The following KIF6 variants were observed in gnomAD, a reference collection of about 807,000 sequenced individuals.
KIF6 encodes the protein kinesin family member 6.
KIF6 carries 106 observed loss-of-function variants against 112.7 expected under a neutral mutation model. The ratio of observed to expected loss-of-function variants is 0.94; its 90% CI spans 0.80 to 1.11. KIF6 has a LOEUF of 1.11. Ranked by LOEUF, KIF6 falls within the 50% of genes least tolerant of loss-of-function variation. The probability of loss-of-function intolerance (pLI) is 0.00; values close to 1 mark genes in which losing one functional copy is unlikely to be tolerated. For synonymous variants in KIF6, 339 were observed against 339.9 expected (o/e 1.00, Z 0.03); for missense variants, 929 against 964.0 (o/e 0.96, Z 0.48).
Position 39,596,095 on chromosome 6 carries a change from C to T in KIF6, c.805G>A (p.Glu269Lys). 1 of 1,614,012 alleles carries T rather than the reference C, an allele frequency of 6.2e-7. No homozygotes were observed. ...AGTGACAAGTTGATATACTTGGCCT[C>T]TGTTAGAAGATGGCCCCCTACTCCA... ...KTGVGGHLLT[E>K]AKYINLSLHY... Residue 269 changes from glutamate to lysine, a missense_variant, in exon 7 of 23, where the codon GAG (glutamate) becomes AAG (lysine). Glu to Lys is a moderately conservative substitution (Grantham distance 56, BLOSUM62 1). Around this residue, in one of 2 missense-constraint regions of KIF6, gnomAD observed 688 missense variants for 662.7 expected, o/e 1.04. Transcript: ENST00000287152.
At position 39,586,332 on chromosome 6, in the gene KIF6, T is replaced by C. The variant is rs921125807; in HGVS notation, c.919A>G (p.Arg307Gly). 2.5e-6 allele frequency: 4 copies of C among 1,613,896 alleles called. No homozygotes were observed. The highest frequency in any genetic ancestry group is 2.5e-6 in the Non-Finnish European group (3 of 1,179,866). The change falls in exon 8 of 23, where the codon AGA becomes GGA. Residue 307 changes from arginine to glycine, a missense_variant. By Grantham distance (125) the Arg-to-Gly change is moderately radical (BLOSUM62 -2). Transcript: ENST00000287152. ...ATGCAGTTCCCTCCCAAACTGTCTC[T>C]TAGGACACTGGTCATCATGGAGTTT... ...YRNSMMTSVL[R>G]DSLGGNCMTT...
chr6:39,668,526 T>C (rs759728335), intron 3 of KIF6, among the ~76,000 whole-genome samples: 1 of 152,150 alleles, frequency 6.6e-6, no homozygotes, highest in African/African-American at 2.4e-5. Flanking sequence ...CACCTCAGAA[T>C]CTCCAGTATA....
chr6:39,365,738 C>A (rs568290940), intron 16 of KIF6, among the ~76,000 whole-genome samples: 13 of 152,336 alleles, frequency 8.5e-5, no homozygotes, highest in African/African-American at 3.1e-4. Context: ...CCCAAGGACA[C>A]CCCCAAGAAA....
intron 14 of KIF6, among the ~76,000 whole-genome samples, chr6:39,423,304 A>G (rs1310913116): frequency 6.6e-6 from 1 of 151,990 alleles, no homozygotes; most frequent in Non-Finnish European, 1.5e-5. Context: ...GTACTTGCAG[A>G]CCCTGGGGAA....
chr6:39,618,985 CCT>C (rs1160522535), intron 5 of KIF6, among the ~76,000 whole-genome samples: 1 of 152,080 alleles, frequency 6.6e-6, no homozygotes, highest in East Asian at 1.9e-4. Context: ...TCAAAATAAA[CCT>C]CTTTTTATTT....
chr6:39,460,037 T>G (rs368069652), intron 13 of KIF6, among the ~76,000 whole-genome samples: 11 of 145,930 alleles, frequency 7.5e-5, no homozygotes, highest in East Asian at 4.2e-4. Context: ...TATACCCAAA[T>G]GACTATAAAT....
chr6:39,621,714 G>A (rs912501022), intron 5 of KIF6, among the ~76,000 whole-genome samples: 1 of 152,168 alleles, frequency 6.6e-6, no homozygotes, highest in African/African-American at 2.4e-5. Flanking sequence ...GCAGTAAAAT[G>A]CTTTCCAAAA....
At chr6:39,708,089 C>T (rs1789319126) in intron 3 of KIF6, among the ~76,000 whole-genome samples, 1 of 152,122 alleles carries the variant, frequency 6.6e-6, no homozygotes, top group Non-Finnish European at 1.5e-5. Flanking sequence ...GTTGGATTAG[C>T]AGAACTGGGT....
rs148576491 is a variant in KIF6 at position 39,399,415 on chromosome 6, G to A, written c.1811-13743C>T. 2.2e-3 allele frequency among the ~76,000 whole-genome samples: 337 copies of A among 152,222 alleles called. 3 individuals carry two copies. Among genetic ancestry groups the A allele is most frequent in the African/African-American group, 7.9e-3 (327 of 41,546 alleles). On this transcript the variant is annotated intron_variant, in intron 15 of 22. Transcript: ENST00000287152. ...ACTTTTGTACTGAGTGAGCTGAGCCGGGTCCTGCGACTAAAGAACCGCCTG... is the reference window on the plus strand; with the variant it reads ...ACTTTTGTACTGAGTGAGCTGAGCCAGGTCCTGCGACTAAAGAACCGCCTG...
chr6:39,553,861 T>C (rs1779533425), intron 10 of KIF6: 1 of 152,900 alleles, frequency 6.5e-6, no homozygotes, highest in Non-Finnish European at 1.5e-5. Flanking sequence ...GGACCTTAAG[T>C]GGGATACGAG....
At chr6:39,598,797 G>C (rs1782428372) in intron 6 of KIF6, among the ~76,000 whole-genome samples, 1 of 151,990 alleles carries the variant, frequency 6.6e-6, no homozygotes. Context: ...AAAGCAACTT[G>C]GGATAGATTG....
chr6:39,545,795 C>T (rs942328783), intron 10 of KIF6, 107 bp from the exon 11 acceptor site: 1 of 654,990 alleles, frequency 1.5e-6, no homozygotes, highest in East Asian at 2.7e-5. Context: ...TTGTTCCCAC[C>T]TCTTTACAGA....
At chr6:39,689,233 G>A (rs1201719487) in intron 3 of KIF6, among the ~76,000 whole-genome samples, 12 of 152,142 alleles carry the variant, frequency 7.9e-5, no homozygotes, top group Admixed American at 2.0e-4. Context: ...AGCTGGGTGC[G>A]GTGACTCATG....
intron 13 of KIF6, among the ~76,000 whole-genome samples, chr6:39,435,913 C>T (rs1020679638): frequency 2.0e-5 from 3 of 152,054 alleles, no homozygotes; most frequent in Admixed American, 6.6e-5. Context: ...GGTAGATTTA[C>T]GTTTAGTTCT....
At position 39,343,259 on chromosome 6, in the gene KIF6, T is replaced by C; in HGVS notation, c.2428+450A>G. On this transcript the variant is annotated intron_variant, in intron 22 of 22. Coordinates refer to ENST00000287152, the MANE Select transcript of KIF6 (RefSeq NM_145027.6). The surrounding 1 kb of genome is among the most constrained non-coding windows in gnomAD (Gnocchi z 4.1). ...GTTATGGTGTCCTCGGGCCTGGGCC[T>C]TCAAGCAGTGTTTACACTCACAGCT... 1 of 1,281,988 alleles carries C rather than the reference T, an allele frequency of 7.8e-7. No homozygotes were observed. The highest frequency in any genetic ancestry group is 1.5e-5 in the African/African-American group (1 of 65,726). 79.4% of individuals were successfully genotyped at this position (1,281,988 alleles called of 1,614,324 possible).
intron 13 of KIF6, among the ~76,000 whole-genome samples, chr6:39,512,102 T>C (rs1412072391): frequency 6.6e-6 from 1 of 152,196 alleles, no homozygotes; most frequent in Non-Finnish European, 1.5e-5. Context: ...ATTAAAAATT[T>C]TTAAAAAAAT....
chr6:39,474,551 A>G (rs1224624914), intron 13 of KIF6, among the ~76,000 whole-genome samples: 1 of 152,256 alleles, frequency 6.6e-6, no homozygotes, highest in Non-Finnish European at 1.5e-5. Context: ...CTTGTATTTC[A>G]CATCAGAATG....
At chr6:39,357,985 G>A (rs1354638063) in intron 18 of KIF6, among the ~76,000 whole-genome samples, 3 of 152,166 alleles carry the variant, frequency 2.0e-5, no homozygotes, top group Admixed American at 6.5e-5. Context: ...TGTTTAAAAT[G>A]TTATCTTCAT....
chr6:39,416,233 G>A (rs1450216997), intron 15 of KIF6, among the ~76,000 whole-genome samples: 1 of 152,230 alleles, frequency 6.6e-6, no homozygotes, highest in African/African-American at 2.4e-5. Flanking sequence ...CAGTGATGAT[G>A]TAAAAAAACT....
Sources: gnomAD v4.1 joint callset for allele counts (sites outside exome capture counted in the v4.1 genomes callset) on GRCh38, gnomAD v4.1.1 for gene constraint, gnomAD v4.1.1 regional missense constraint, Gnocchi (gnomAD v3.1) non-coding constraint, MANE v1.5 for transcripts, NCBI Gene and HGNC (gene_info 2026-07-23, HGNC 2026-07-21) for gene names.